The following TBC1D12 variants were observed in gnomAD, a reference collection of about 807,000 sequenced individuals.
TBC1D12 encodes the protein TBC1 domain family member 12.
In TBC1D12, 56 loss-of-function variants were observed where a neutral mutation model predicts 86.7. That is an observed-to-expected ratio of 0.65 (90% CI 0.52 to 0.81). TBC1D12 has a LOEUF of 0.81. Ranked by LOEUF, TBC1D12 falls within the 30% of genes least tolerant of loss-of-function variation. TBC1D12 has a pLI of 0.00. For missense variants in TBC1D12, 1,023 were observed against 1,038.8 expected (o/e 0.98, Z 0.21); for synonymous variants, 421 against 411.7 (o/e 1.02, Z -0.27).
chr10:94,453,760 G>T (rs1468181321), intron 2 of TBC1D12, among the ~76,000 whole-genome samples: 1 of 152,052 alleles, frequency 6.6e-6, no homozygotes, highest in Non-Finnish European at 1.5e-5. Context: ...TTACATTTAG[G>T]TCTGTAAACC....
chr10:94,532,232 C>T (rs1158213136), intron 12 of TBC1D12, among the ~76,000 whole-genome samples: 1 of 152,090 alleles, frequency 6.6e-6, no homozygotes, highest in Non-Finnish European at 1.5e-5. Flanking sequence ...GGCTGGAGTG[C>T]AGTGGTGTGA....
chr10:94,500,092 A>G lies in TBC1D12; in HGVS notation c.1413-129A>G. ...GAACGCAAAGAAAAGAATGCATTAC[A>G]TACTTAATTCTCTATAGTCCTAAAA... On this transcript the variant is annotated intron_variant, in intron 5 of 12. Transcript: ENST00000225235. The G allele has an allele frequency of 7.8e-6, 6 of 770,962 alleles. No homozygotes were observed. The East Asian group carries it at 8.5e-5, about 11-fold the overall frequency. The allele number at this position is 770,962 out of a possible 1,614,324, so 47.8% of individuals were successfully genotyped here. A position where few individuals can be genotyped will look rare whatever the true frequency, so the allele number is the denominator to read the frequency against.
intron 6 of TBC1D12, among the ~76,000 whole-genome samples, chr10:94,505,509 G>T (rs1256874428): frequency 6.6e-6 from 1 of 152,174 alleles, no homozygotes; most frequent in Non-Finnish European, 1.5e-5. Flanking sequence ...GGAGGGGGAG[G>T]TTGCAATGAG....
At chr10:94,452,903 T>C (rs1056449947) in intron 2 of TBC1D12, among the ~76,000 whole-genome samples, 2 of 152,228 alleles carry the variant, frequency 1.3e-5, no homozygotes, top group Non-Finnish European at 2.9e-5. Flanking sequence ...CCAGCAGCAT[T>C]GAATGAGAGT....
chr10:94,439,368 G>A (rs1458839786), intron 1 of TBC1D12, among the ~76,000 whole-genome samples: 3 of 152,152 alleles, frequency 2.0e-5, no homozygotes, highest in South Asian at 2.1e-4. Flanking sequence ...GGCAGGTCAC[G>A]TAGGAATTGT....
At chr10:94,485,543 C>CA (rs2056146768) in intron 3 of TBC1D12, among the ~76,000 whole-genome samples, 4 of 134,532 alleles carry the variant, frequency 3.0e-5, no homozygotes, top group African/African-American at 1.1e-4. Context: ...CTGTAGTTTT[C>CA]CTTTTTTTTT....
intron 3 of TBC1D12, among the ~76,000 whole-genome samples, chr10:94,493,151 T>TACACAC (rs10532128): frequency 6.7e-6 from 1 of 149,924 alleles, no homozygotes; most frequent in Non-Finnish European, 1.5e-5. Flanking sequence ...GACATAGAAC[T>TACACAC]ACACACACAC....
At chr10:94,532,380 T>C (rs1291607324) in intron 12 of TBC1D12, among the ~76,000 whole-genome samples, 1 of 152,108 alleles carries the variant, frequency 6.6e-6, no homozygotes, top group African/African-American at 2.4e-5. Flanking sequence ...GGTTTCACCA[T>C]GTTAGCCAGG....
chr10:94,454,498 A>G (rs1296492123), intron 2 of TBC1D12, among the ~76,000 whole-genome samples: 1 of 152,232 alleles, frequency 6.6e-6, no homozygotes, highest in East Asian at 1.9e-4. Flanking sequence ...GGCGTGAGCC[A>G]CTGCGCCCGG....
chr10:94,469,905 C>T (rs571794414), intron 2 of TBC1D12, among the ~76,000 whole-genome samples: 1 of 152,284 alleles, frequency 6.6e-6, no homozygotes, highest in Admixed American at 6.5e-5. Context: ...GTTGAGTGAT[C>T]CTCAGGCTCA....
rs778054859 is a variant in TBC1D12 at position 94,474,788 on chromosome 10, G to A, written c.1211+5G>A. Reference sequence around the variant, plus strand: ...GATTCTTGAGGATCGACCATCGTAAGTATTTTAGTGATAATCAGTGACATT... The same window carrying A: ...GATTCTTGAGGATCGACCATCGTAAATATTTTAGTGATAATCAGTGACATT... On this transcript the variant is annotated splice_donor_5th_base_variant and intron_variant, in intron 3 of 12. Transcript: ENST00000225235. The A allele has an allele frequency of 1.9e-6, 3 of 1,607,236 alleles. No homozygotes were observed. Among genetic ancestry groups the A allele is most frequent in the Non-Finnish European group, 1.7e-6 (2 of 1,174,328 alleles).
chr10:94,420,023 C>T (rs1487742055), intron 1 of TBC1D12, among the ~76,000 whole-genome samples: 1 of 152,122 alleles, frequency 6.6e-6, no homozygotes, highest in East Asian at 1.9e-4. Flanking sequence ...GAATATATTG[C>T]TGTGGACCGA....
In TBC1D12 at chr10:94,535,907, A is replaced by G. The variant is rs567427872; in HGVS notation, c.*2811A>G. ...AAACCACTCATAACAATTACTGTGT[A>G]AATAAAACTGGTAAGCAGAGTAATT... On this transcript the variant is annotated 3_prime_UTR_variant, in exon 13 of 13. Coordinates refer to ENST00000225235, the MANE Select transcript of TBC1D12 (RefSeq NM_015188.2). The G allele has an allele frequency of 1.3e-5, 2 of 152,302 alleles. No homozygotes were observed. Among genetic ancestry groups the G allele is most frequent in the African/African-American group, 4.8e-5 (2 of 41,582 alleles). 9.4% of individuals were successfully genotyped at this position (152,302 alleles called of 1,614,324 possible).
At chr10:94,520,948 A>G (rs1450274707) in intron 9 of TBC1D12, among the ~76,000 whole-genome samples, 1 of 152,214 alleles carries the variant, frequency 6.6e-6, no homozygotes, top group Non-Finnish European at 1.5e-5. Context: ...GGCGTGAGCC[A>G]CTGCGCCTGG....
At chr10:94,408,157 C>T (rs1302882650) in intron 1 of TBC1D12, among the ~76,000 whole-genome samples, 1 of 152,126 alleles carries the variant, frequency 6.6e-6, no homozygotes, top group African/African-American at 2.4e-5. Flanking sequence ...AAAACATAGA[C>T]ACTTATCTGT....
intron 1 of TBC1D12, among the ~76,000 whole-genome samples, chr10:94,416,593 C>T (rs550712462): frequency 2.0e-5 from 3 of 152,236 alleles, no homozygotes; most frequent in East Asian, 3.9e-4. Flanking sequence ...TATTGTGAGT[C>T]CTCTATGTAT....
chr10:94,403,025 T>G lies in TBC1D12; in HGVS notation c.412T>G (p.Ser138Ala). Reference sequence around the variant, plus strand: ...GCACGAAGGCATGACCAACGGCGACTCGGGTTTTCTGCCGGGCCGGGACTG... The same window carrying G: ...GCACGAAGGCATGACCAACGGCGACGCGGGTTTTCTGCCGGGCCGGGACTG... Reference protein sequence around the residue: ...PRHEGMTNGDSGFLPGRDCRD... With the variant: ...PRHEGMTNGDAGFLPGRDCRD... Residue 138 changes from serine to alanine, a missense_variant, in exon 1 of 13, where the codon TCG becomes GCG. Ser to Ala is a moderately conservative substitution (Grantham distance 99). Around this residue, in one of 2 missense-constraint regions of TBC1D12, gnomAD observed 628 missense variants for 531.1 expected, o/e 1.18. Coordinates refer to ENST00000225235, the MANE Select transcript of TBC1D12 (RefSeq NM_015188.2). 6.4e-7 allele frequency: 1 copy of G among 1,571,592 alleles called. No individual in the cohort carries two copies. The highest frequency in any genetic ancestry group is 8.6e-7 in the Non-Finnish European group (1 of 1,163,122).
At chr10:94,483,252 A>G (rs1412513980) in intron 3 of TBC1D12, among the ~76,000 whole-genome samples, 2 of 151,962 alleles carry the variant, frequency 1.3e-5, no homozygotes, top group African/African-American at 4.8e-5. Flanking sequence ...TGATGTTCTG[A>G]TTGCCTTTCT....
rs980776763 is a variant in TBC1D12 at position 94,493,432 on chromosome 10, G to A, written c.1279G>A (p.Glu427Lys). Residue 427 changes from glutamate to lysine, a missense_variant, in exon 4 of 13, where the codon GAG becomes AAG. By Grantham distance (56) the Glu-to-Lys change is moderately conservative (BLOSUM62 1). Transcript: ENST00000225235. ...HRQEYDEMVA[E>K]AKKREIKEAH... is the part of the protein sequence containing the mutation. ...ACAAGAATACGATGAGATGGTGGCT[G>A]AGGCTAAAAAACGAGGTATAAAATT... is the stretch of plus-strand genomic sequence containing the variant. The A allele has an allele frequency of 1.9e-6, 3 of 1,611,664 alleles. No individual in the cohort carries two copies. Among genetic ancestry groups the A allele is most frequent in the Admixed American group, 1.7e-5 (1 of 59,634 alleles).
Sources: allele counts gnomAD v4.1 joint callset (sites outside exome capture counted in the v4.1 genomes callset), GRCh38; gene constraint gnomAD v4.1.1; regional missense constraint gnomAD v4.1.1; transcripts MANE v1.5; gene names NCBI Gene and HGNC (gene_info 2026-07-23, HGNC 2026-07-21).